SDK2: variants seen among roughly 807,000 people sequenced by gnomAD.
SDK2 encodes sidekick cell adhesion molecule 2.
Under a neutral mutation model 253.9 loss-of-function variants are expected in SDK2, and 105 were observed. That is an observed-to-expected ratio of 0.41 (90% CI 0.35 to 0.49). The LOEUF (loss-of-function observed/expected upper bound fraction) is 0.49, where lower values mean the gene tolerates loss of function less well. Ranked by LOEUF, SDK2 falls within the 20% of genes least tolerant of loss-of-function variation. The pLI, the probability that SDK2 is intolerant of heterozygous loss-of-function variation, is 0.06. For synonymous variants in SDK2, 1,249 were observed against 1,234.9 expected (o/e 1.01, Z -0.24); for missense variants, 2,608 against 3,003.0 (o/e 0.87, Z 3.07).
intron 1 of SDK2, among the ~76,000 whole-genome samples, chr17:73,530,588 G>A (rs2064161150): frequency 1.3e-5 from 2 of 152,144 alleles, no homozygotes; most frequent in Non-Finnish European, 2.9e-5. Context: ...TATATACAAT[G>A]GTAGGGGCTG....
chr17:73,425,941 G>C (rs1429780017), intron 12 of SDK2, among the ~76,000 whole-genome samples: 1 of 152,108 alleles, frequency 6.6e-6, no homozygotes, highest in Admixed American at 6.5e-5. Context: ...CCTGAACCAC[G>C]GCAAGCGGTC....
At chr17:73,403,046 G>A (rs141386812) in intron 18 of SDK2, among the ~76,000 whole-genome samples, 5,306 of 151,706 alleles carry the variant, frequency 0.035, 300 homozygotes, top group African/African-American at 0.12. Context: ...TGATCCGCCC[G>A]CCTCGGCCTC....
intron 2 of SDK2, among the ~76,000 whole-genome samples, chr17:73,482,260 A>C (rs2063730272): frequency 1.5e-5 from 2 of 137,310 alleles, no homozygotes; most frequent in Non-Finnish European, 1.6e-5. Flanking sequence ...GCGTGACAAG[A>C]CTCCATCTCA....
rs1421540677 is a variant in SDK2, at chr17:73,335,076, G to A, written c.*3511C>T. The A allele has an allele frequency of 6.6e-6, 1 of 152,420 alleles. No individual in the cohort carries two copies. Among genetic ancestry groups the A allele is most frequent in the Admixed American group, 6.5e-5 (1 of 15,284 alleles). 9.4% of individuals were successfully genotyped at this position (152,420 alleles called of 1,614,324 possible). Reference sequence around the variant, plus strand: ...TCTAAATCACGGCAGTGCCAGGTTTGGGGGTAGGAGTTTTGGGGGCCGGGG... The same window carrying A: ...TCTAAATCACGGCAGTGCCAGGTTTAGGGGTAGGAGTTTTGGGGGCCGGGG... On this transcript the variant is annotated 3_prime_UTR_variant, in exon 45 of 45. Transcript: ENST00000392650.
intron 44 of SDK2, among the ~76,000 whole-genome samples, chr17:73,342,405 T>C (rs989191656): frequency 2.0e-5 from 3 of 152,080 alleles, no homozygotes; most frequent in Admixed American, 2.0e-4. Context: ...CCAGGGAGAC[T>C]CCATATGCCG....
chr17:73,446,435 T>G (rs2063453684), intron 5 of SDK2, among the ~76,000 whole-genome samples: 1 of 152,164 alleles, frequency 6.6e-6, no homozygotes, highest in Admixed American at 6.5e-5. Context: ...CTCCCCGCAT[T>G]CAGATTTCCT....
At chr17:73,394,791 C>T (rs1450757639) in intron 25 of SDK2, among the ~76,000 whole-genome samples, 1 of 152,190 alleles carries the variant, frequency 6.6e-6, no homozygotes, top group Non-Finnish European at 1.5e-5. Flanking sequence ...TCTGGAATGT[C>T]CTGAGAGCTA....
chr17:73,525,690 T>G (rs1774389396), intron 1 of SDK2, among the ~76,000 whole-genome samples: 1 of 152,106 alleles, frequency 6.6e-6, no homozygotes, highest in African/African-American at 2.4e-5. Context: ...ATCCCATCCC[T>G]ATCCTAGAAG....
intron 5 of SDK2, 23 bp from the exon 6 acceptor site, chr17:73,440,946 C>G (rs951491771): frequency 1.3e-6 from 2 of 1,499,688 alleles, no homozygotes; most frequent in Middle Eastern, 1.7e-4. Context: ...CAGATGTTAG[C>G]TGGGGGCGAG....
intron 42 of SDK2, 109 bp from the exon 43 acceptor site, chr17:73,350,484 C>T (rs2062527285): frequency 6.9e-7 from 1 of 1,457,466 alleles, no homozygotes; most frequent in African/African-American, 1.4e-5. Context: ...GAGTTGAGAC[C>T]AAAATAAGAG....
At chr17:73,398,487 C>T (rs1451828273) in intron 22 of SDK2, 58 bp from the exon 23 acceptor site, 43 of 1,448,918 alleles carry the variant, frequency 3.0e-5, no homozygotes, top group African/African-American at 8.3e-5. Flanking sequence ...CGGGGTGCTC[C>T]GAGCCCCAGT....
At position 73,644,430 on chromosome 17, in the gene SDK2, G is replaced by C. The variant is rs1003063243; in HGVS notation, c.-342C>G. 1.7e-4 allele frequency among the ~76,000 whole-genome samples: 26 copies of C among 152,164 alleles called. No individual in the cohort carries two copies. The highest frequency in any genetic ancestry group is 3.1e-4 in the Non-Finnish European group (21 of 67,974). The stretch of plus-strand genomic sequence containing the variant: ...GCCTCTGCGATCCGGCCGGGTCGCC[G>C]GCCGAGCTCCGGAATAAATGGACAA... On this transcript the variant is annotated 5_prime_UTR_variant, in exon 1 of 45. Transcript: ENST00000392650. This position sits in a 1 kb window ranked among gnomAD's most constrained non-coding sequence, Gnocchi z 6.3.
In SDK2 at chr17:73,447,158, C is replaced by T. The variant is rs1437276083; in HGVS notation, c.613+457G>A. Among the ~76,000 whole-genome samples the T allele has an allele frequency of 1.3e-5, 2 of 152,068 alleles. No individual in the cohort carries two copies. The highest frequency in any genetic ancestry group is 2.9e-5 in the Non-Finnish European group (2 of 68,004). ...CCATCAGCAGGGACCACCTGGCTCC[C>T]AATATAGACAGCACTTCTTATGTGA... On this transcript the variant is annotated intron_variant, in intron 5 of 44. Transcript: ENST00000392650. This position sits in a 1 kb window ranked among gnomAD's most constrained non-coding sequence, Gnocchi z 4.0.
intron 2 of SDK2, among the ~76,000 whole-genome samples, chr17:73,500,099 CCGTCCAT>C (rs2063875072): frequency 6.8e-6 from 1 of 146,278 alleles, no homozygotes. Flanking sequence ...CCTCCATCCT[CCGTCCAT>C]CCTCCCTCCA....
rs746351990 is a variant in SDK2, at chr17:73,447,515, C to T, written c.613+100G>A. The T allele has an allele frequency of 6.7e-7, 1 of 1,492,322 alleles. No homozygotes were observed. The highest frequency in any genetic ancestry group is 9.1e-7 in the Non-Finnish European group (1 of 1,103,450). The allele number at this position is 1,492,322 out of a possible 1,614,324, so 92.4% of individuals were successfully genotyped here. ...CGGCCGTCCCCTAGCTTCCCTGTCC[C>T]CCTCCTCTGCCACTCCATCTTCCCA... On this transcript the variant is annotated intron_variant, in intron 5 of 44. Transcript: ENST00000392650. This position sits in a 1 kb window ranked among gnomAD's most constrained non-coding sequence, Gnocchi z 4.0.
chr17:73,367,624 T>C (rs2062697061), intron 37 of SDK2, among the ~76,000 whole-genome samples: 2 of 152,082 alleles, frequency 1.3e-5, no homozygotes, highest in South Asian at 4.2e-4. Context: ...TGCCTCAGCC[T>C]CCCAAGTAGC....
At chr17:73,508,393 C>CAGG (rs2063951947) in intron 1 of SDK2, among the ~76,000 whole-genome samples, 2 of 152,372 alleles carry the variant, frequency 1.3e-5, no homozygotes, top group African/African-American at 4.8e-5. Flanking sequence ...GGCCTCTGCC[C>CAGG]TTCTGGCCAG....
chr17:73,366,288 G>A (rs1057189310), intron 37 of SDK2, among the ~76,000 whole-genome samples: 1 of 152,046 alleles, frequency 6.6e-6, no homozygotes, highest in African/African-American at 2.4e-5. Context: ...CGGAAGCCTC[G>A]GGTTCCCTGG....
intron 1 of SDK2, among the ~76,000 whole-genome samples, chr17:73,516,163 C>T (rs1489303860): frequency 2.0e-5 from 3 of 152,228 alleles, no homozygotes; most frequent in African/African-American, 7.2e-5. Flanking sequence ...TTGGGTCTTG[C>T]CTGGGATGGC....
Sources: gnomAD v4.1 joint callset for allele counts (sites outside exome capture counted in the v4.1 genomes callset) on GRCh38, gnomAD v4.1.1 for gene constraint, Gnocchi (gnomAD v3.1) non-coding constraint, MANE v1.5 for transcripts, NCBI Gene and HGNC (gene_info 2026-07-23, HGNC 2026-07-21) for gene names.